The following FRMD4B variants were observed in gnomAD, a reference collection of about 807,000 sequenced individuals.
FRMD4B encodes the protein FERM domain containing 4B.
A neutral mutation model predicts 141.5 loss-of-function variants in FRMD4B; 74 were observed. That is an observed-to-expected ratio of 0.52 (90% CI 0.43 to 0.63). The LOEUF is 0.63. FRMD4B is among the 30% of genes least tolerant of loss of function. The probability of loss-of-function intolerance (pLI) is 0.00; values close to 1 mark genes in which losing one functional copy is unlikely to be tolerated. For missense variants in FRMD4B, 1,366 were observed against 1,253.4 expected (o/e 1.09, Z -1.36); for synonymous variants, 506 against 467.9 (o/e 1.08, Z -1.05).
At position 69,345,042 on chromosome 3, in the gene FRMD4B, G is replaced by A. The variant is rs367688045; in HGVS notation, c.163-31525C>T. Among the ~76,000 whole-genome samples, 23 of 152,154 alleles carry A rather than the reference G, an allele frequency of 1.5e-4. No homozygotes were observed. The South Asian group carries it at 3.5e-3, about 23-fold the overall frequency. On this transcript the variant is annotated intron_variant, in intron 1 of 22. Coordinates refer to ENST00000398540, the MANE Select transcript of FRMD4B (RefSeq NM_015123.3). Reference sequence around the variant, plus strand: ...GTGAGCTGAAGCAGGGTGAGGCATCGCCTCACCTGGGAAGCACAAGGGGTC... The same window carrying A: ...GTGAGCTGAAGCAGGGTGAGGCATCACCTCACCTGGGAAGCACAAGGGGTC...
intron 1 of FRMD4B, among the ~76,000 whole-genome samples, chr3:69,474,756 A>C (rs926396636): frequency 1.3e-5 from 2 of 152,196 alleles, no homozygotes; most frequent in Non-Finnish European, 2.9e-5. Flanking sequence ...AGCACATGCC[A>C]CACAAGGGGC....
chr3:69,393,180 C>T (rs1704414948), intron 2 of FRMD4B, among the ~76,000 whole-genome samples: 1 of 152,120 alleles, frequency 6.6e-6, no homozygotes, highest in Non-Finnish European at 1.5e-5. Flanking sequence ...TCTTTGGCTT[C>T]AGCAAACTCA....
intron 1 of FRMD4B, among the ~76,000 whole-genome samples, chr3:69,458,807 G>C (rs1008514958): frequency 6.8e-6 from 1 of 147,168 alleles, no homozygotes; most frequent in Non-Finnish European, 1.5e-5. Flanking sequence ...TCTTCCATGA[G>C]GTGGCAAAAA....
intron 1 of FRMD4B, among the ~76,000 whole-genome samples, chr3:69,323,975 C>T (rs1018613589): frequency 6.6e-6 from 1 of 152,166 alleles, no homozygotes; most frequent in African/African-American, 2.4e-5. Context: ...TCCAGACTCA[C>T]CAAACCAGAG....
At chr3:69,313,559 T>G in intron 1 of FRMD4B, 42 bp from the exon 2 acceptor site, 1 of 1,247,460 alleles carries the variant, frequency 8.0e-7, no homozygotes, top group Non-Finnish European at 1.2e-6. Flanking sequence ...GGGCCACGGC[T>G]GGCAAGCAAA....
At chr3:69,430,982 C>T (rs28705749) in intron 2 of FRMD4B, among the ~76,000 whole-genome samples, 8,223 of 152,160 alleles carry the variant, frequency 0.054, 739 homozygotes, top group African/African-American at 0.19. Flanking sequence ...AGAGAAGCCC[C>T]GGTCTAAGAC....
chr3:69,513,567 C>A (rs1706723707), intron 1 of FRMD4B, among the ~76,000 whole-genome samples: 1 of 152,070 alleles, frequency 6.6e-6, no homozygotes, highest in Non-Finnish European at 1.5e-5. Flanking sequence ...GCCAGCATTA[C>A]CTTAATACCA....
At chr3:69,355,974 G>C (rs1703307138) in intron 1 of FRMD4B, among the ~76,000 whole-genome samples, 1 of 152,014 alleles carries the variant, frequency 6.6e-6, no homozygotes, top group Non-Finnish European at 1.5e-5. Flanking sequence ...GCAGTGAGCT[G>C]AGATCACACC....
chr3:69,474,387 C>T (rs1022777243), intron 1 of FRMD4B, among the ~76,000 whole-genome samples: 4 of 152,136 alleles, frequency 2.6e-5, no homozygotes, highest in African/African-American at 7.2e-5. Flanking sequence ...TCTGATGACG[C>T]TGAGTTAAGT....
At chr3:69,373,365 T>C (rs1380784234) in intron 1 of FRMD4B, among the ~76,000 whole-genome samples, 1 of 152,182 alleles carries the variant, frequency 6.6e-6, no homozygotes, top group African/African-American at 2.4e-5. Context: ...ACTAAGTTCA[T>C]CTCATTCAAT....
At chr3:69,341,197 T>A (rs1702727011) in intron 1 of FRMD4B, among the ~76,000 whole-genome samples, 1 of 152,204 alleles carries the variant, frequency 6.6e-6, no homozygotes, top group African/African-American at 2.4e-5. Flanking sequence ...GAGGGCTGTT[T>A]GCATCTCAAG....
intron 1 of FRMD4B, among the ~76,000 whole-genome samples, chr3:69,476,626 G>C (rs901813844): frequency 2.6e-5 from 4 of 152,328 alleles, no homozygotes; most frequent in Middle Eastern, 3.4e-3. Context: ...ATAGTTTGAA[G>C]TCAGGTAGCG....
chr3:69,285,737 G>T (rs527644033), intron 5 of FRMD4B, among the ~76,000 whole-genome samples: 1 of 152,146 alleles, frequency 6.6e-6, no homozygotes, highest in Non-Finnish European at 1.5e-5. Flanking sequence ...CCAGCTACTC[G>T]GGAGGCTGAG....
chr3:69,299,993 T>C (rs560493199), intron 4 of FRMD4B, among the ~76,000 whole-genome samples: 1 of 152,272 alleles, frequency 6.6e-6, no homozygotes, highest in East Asian at 1.9e-4. Flanking sequence ...TCTTTGGCTC[T>C]CTATTCTTCA....
intron 7 of FRMD4B, among the ~76,000 whole-genome samples, chr3:69,235,773 T>A (rs1295475402): frequency 6.6e-6 from 1 of 152,190 alleles, no homozygotes; most frequent in African/African-American, 2.4e-5. Flanking sequence ...TACAGGCATA[T>A]TATGCTATTA....
At chr3:69,460,154 T>C (rs1167038819) in intron 1 of FRMD4B, among the ~76,000 whole-genome samples, 2 of 152,202 alleles carry the variant, frequency 1.3e-5, no homozygotes, top group African/African-American at 2.4e-5. Flanking sequence ...TTGTTGGAAA[T>C]TCCACATGGC....
At chr3:69,365,696 C>T (rs1289726433) in intron 1 of FRMD4B, among the ~76,000 whole-genome samples, 1 of 151,938 alleles carries the variant, frequency 6.6e-6, no homozygotes, top group Non-Finnish European at 1.5e-5. Context: ...CGGGGCTTCA[C>T]CATGTTGGCC....
intron 1 of FRMD4B, among the ~76,000 whole-genome samples, chr3:69,376,646 A>G (rs1445392030): frequency 2.6e-5 from 4 of 152,218 alleles, no homozygotes; most frequent in Admixed American, 1.3e-4. Flanking sequence ...TTTTTATAGC[A>G]AAAGTTTATT....
intron 1 of FRMD4B, among the ~76,000 whole-genome samples, chr3:69,361,875 A>G (rs1703480252): frequency 1.3e-5 from 2 of 152,222 alleles, no homozygotes; most frequent in South Asian, 4.1e-4. Flanking sequence ...TCTTGAATAA[A>G]TGTGCATGAA....
Sources: allele counts gnomAD v4.1 joint callset (sites outside exome capture counted in the v4.1 genomes callset), GRCh38; gene constraint gnomAD v4.1.1; transcripts MANE v1.5; gene names NCBI Gene and HGNC (gene_info 2026-07-23, HGNC 2026-07-21).